The following NCALD variants were observed in gnomAD, a reference collection of about 807,000 sequenced individuals.
NCALD encodes neurocalcin delta.
A neutral mutation model predicts 18.6 loss-of-function variants in NCALD; 10 were observed. The observed-to-expected ratio is 0.54, with a 90% confidence interval of 0.33 to 0.91. The LOEUF is 0.91. NCALD is among the 40% of genes least tolerant of loss of function. NCALD has a pLI of 0.03. For missense variants in NCALD, 184 were observed against 247.6 expected (o/e 0.74, Z 1.72); for synonymous variants, 88 against 87.4 (o/e 1.01, Z -0.04).
intron 2 of NCALD, among the ~76,000 whole-genome samples, chr8:101,698,400 C>T (rs1435241890): frequency 6.6e-6 from 1 of 152,152 alleles, no homozygotes; most frequent in Non-Finnish European, 1.5e-5. Flanking sequence ...ATCAAACTAC[C>T]ATTGACATTC....
chr8:102,066,689 C>G (rs550789394), intron 1 of NCALD, among the ~76,000 whole-genome samples: 1 of 152,348 alleles, frequency 6.6e-6, no homozygotes, highest in South Asian at 2.1e-4. Context: ...TGGGGCACGT[C>G]TGAATAGGAA....
chr8:101,747,718 A>AT (rs11415124), intron 1 of NCALD, among the ~76,000 whole-genome samples: 1,653 of 139,882 alleles, frequency 0.012, 20 homozygotes, highest in African/African-American at 0.03. Flanking sequence ...AGGAAAAGTG[A>AT]TTTTTTTTTT....
chr8:101,773,194 A>G (rs1811656523), intron 1 of NCALD, among the ~76,000 whole-genome samples: 1 of 151,926 alleles, frequency 6.6e-6, no homozygotes, highest in South Asian at 2.1e-4. Context: ...GGGTCTACCA[A>G]CTCATCTTCA....
chr8:101,702,188 C>G (rs1815298481), intron 2 of NCALD, among the ~76,000 whole-genome samples: 1 of 152,002 alleles, frequency 6.6e-6, no homozygotes, highest in African/African-American at 2.4e-5. Context: ...GAGTTTGAAC[C>G]ACTGAACCAC....
rs553466507 is a variant in NCALD, at chr8:101,761,671, C to G, written c.-20+29191G>C. Among the ~76,000 whole-genome samples, 5 of 152,254 alleles carry G rather than the reference C, an allele frequency of 3.3e-5. No homozygotes were observed. The South Asian group carries it at 6.2e-4, about 19-fold the overall frequency. ...AGCAGTATTTACAGATATGGCTAAT[C>G]AGGGACTTATTTGTTTCCCAGTATT... On this transcript the variant is annotated intron_variant, in intron 1 of 3. Transcript: ENST00000220931.
In NCALD at chr8:101,686,875, C is replaced by T. The variant is rs1216262281; in HGVS notation, c.*2434G>A. On this transcript the variant is annotated 3_prime_UTR_variant, in exon 4 of 4. Transcript: ENST00000220931. ...CAGCCCAGCAGAGGAGTGACATAAA[C>T]CTTGAGGCATGCAGTCTTCTGGGTG... The T allele has an allele frequency of 2.0e-5, 3 of 152,562 alleles. No individual in the cohort carries two copies. Among genetic ancestry groups the T allele is most frequent in the African/African-American group, 7.2e-5 (3 of 41,396 alleles). 9.5% of individuals were successfully genotyped at this position (152,562 alleles called of 1,614,324 possible).
At chr8:102,008,340 A>C (rs1821781183) in intron 2 of NCALD, among the ~76,000 whole-genome samples, 1 of 152,134 alleles carries the variant, frequency 6.6e-6, no homozygotes. Context: ...TAGGGACAGG[A>C]ATAGGTTCTA....
chr8:101,860,664 T>C (rs1205901027), intron 4 of NCALD, among the ~76,000 whole-genome samples: 11 of 152,082 alleles, frequency 7.2e-5, no homozygotes, highest in Non-Finnish European at 1.5e-5. Context: ...ACAGTGAAAA[T>C]TGTTTTAACC....
intron 1 of NCALD, among the ~76,000 whole-genome samples, chr8:102,117,189 T>G (rs1194127679): frequency 6.6e-6 from 1 of 152,194 alleles, no homozygotes; most frequent in East Asian, 1.9e-4. Context: ...TTTGTGGTCA[T>G]TTGTTTCAGC....
At chr8:101,838,053 AC>A (rs1814486536) in intron 4 of NCALD, among the ~76,000 whole-genome samples, 1 of 152,186 alleles carries the variant, frequency 6.6e-6, no homozygotes, top group African/African-American at 2.4e-5. Context: ...TAGAGAAAAG[AC>A]AGACAAAATC....
intron 4 of NCALD, among the ~76,000 whole-genome samples, chr8:101,830,435 C>T (rs923028404): frequency 5.3e-5 from 8 of 152,006 alleles, no homozygotes; most frequent in South Asian, 2.1e-4. Flanking sequence ...GTGGTGCATG[C>T]CTGTCATCCC....
intron 1 of NCALD, among the ~76,000 whole-genome samples, chr8:102,059,131 A>G (rs1223570039): frequency 6.6e-6 from 1 of 152,220 alleles, no homozygotes; most frequent in Admixed American, 6.5e-5. Context: ...TTATTATAGC[A>G]AATATAGTTC....
At chr8:102,056,706 C>T (rs993807486) in intron 1 of NCALD, among the ~76,000 whole-genome samples, 1 of 152,232 alleles carries the variant, frequency 6.6e-6, no homozygotes, top group African/African-American at 2.4e-5. Context: ...ACTGTCCCAT[C>T]CAGTTGATGA....
chr8:101,941,332 A>C (rs1374269698), intron 2 of NCALD, among the ~76,000 whole-genome samples: 2 of 152,218 alleles, frequency 1.3e-5, no homozygotes, highest in Non-Finnish European at 2.9e-5. Context: ...CAAGTTCACA[A>C]TAGAGCTCAC....
intron 1 of NCALD, among the ~76,000 whole-genome samples, chr8:101,740,504 G>C (rs933807924): frequency 3.9e-5 from 6 of 152,214 alleles, no homozygotes; most frequent in African/African-American, 1.4e-4. Context: ...CCACTCTGCA[G>C]GGTATCTCAT....
At chr8:101,694,658 A>T (rs987479525) in intron 2 of NCALD, among the ~76,000 whole-genome samples, 1 of 152,118 alleles carries the variant, frequency 6.6e-6, no homozygotes, top group Non-Finnish European at 1.5e-5. Context: ...TTCATTCCCA[A>T]GAAATGCTCA....
At chr8:101,971,610 T>C (rs937069785) in intron 2 of NCALD, among the ~76,000 whole-genome samples, 1 of 152,094 alleles carries the variant, frequency 6.6e-6, no homozygotes. Flanking sequence ...AACGTGGAAC[T>C]GTGAGTCAAT....
intron 2 of NCALD, among the ~76,000 whole-genome samples, chr8:101,916,704 T>C (rs564879015): frequency 6.6e-6 from 1 of 152,250 alleles, no homozygotes; most frequent in East Asian, 1.9e-4. Context: ...GGAGTTGCTG[T>C]TCTTTTATCT....
chr8:101,979,346 C>G (rs780300774), intron 2 of NCALD, among the ~76,000 whole-genome samples: 34 of 152,304 alleles, frequency 2.2e-4, no homozygotes, highest in Non-Finnish European at 4.3e-4. Flanking sequence ...TTACACTGTT[C>G]ATTGCATGTC....
Sources: gnomAD v4.1 joint callset for allele counts (sites outside exome capture counted in the v4.1 genomes callset) on GRCh38, gnomAD v4.1.1 for gene constraint, MANE v1.5 for transcripts, NCBI Gene and HGNC (gene_info 2026-07-23, HGNC 2026-07-21) for gene names.